MTUS2: variants seen among roughly 807,000 people sequenced by gnomAD.
The protein encoded by MTUS2 is microtubule-associated tumor suppressor candidate 2.
MTUS2 carries 40 observed loss-of-function variants against 114.1 expected under a neutral mutation model. The ratio of observed to expected loss-of-function variants is 0.35; its 90% CI spans 0.27 to 0.46. MTUS2 has a LOEUF of 0.46. Among genes scored for constraint, MTUS2 ranks in the 20% least tolerant of loss-of-function variants. MTUS2 has a pLI of 1.00. For missense variants in MTUS2, 1,679 were observed against 1,705.4 expected (o/e 0.98, Z 0.27); for synonymous variants, 688 against 672.0 (o/e 1.02, Z -0.37).
At chr13:29,001,421 G>C (rs566682999) in intron 2 of MTUS2, among the ~76,000 whole-genome samples, 1 of 152,252 alleles carries the variant, frequency 6.6e-6, no homozygotes, top group Admixed American at 6.5e-5. Flanking sequence ...AGAACTAGAT[G>C]ACAGGTTGCA....
Position 28,995,182 on chromosome 13 carries a change from G to C in MTUS2, c.-242-29275G>C, listed in dbSNP as rs2138354580. On this transcript the variant is annotated intron_variant, in intron 2 of 15. Coordinates refer to ENST00000612955, the MANE Select transcript of MTUS2 (RefSeq NM_001033602.4). ...AATCATTTCCCCATTTCTTGTTTTT[G>C]CCAGGTTTGTCAAAGATCAGATAGT... Among the ~76,000 whole-genome samples, 3 of 152,224 alleles carry C rather than the reference G, an allele frequency of 2.0e-5. No individual in the cohort carries two copies. The East Asian group carries it at 5.8e-4, about 29-fold the overall frequency.
chr13:29,500,961 A>G, intron 14 of MTUS2, 136 bp from the exon 15 acceptor site: 1 of 617,892 alleles, frequency 1.6e-6, no homozygotes, highest in Admixed American at 3.1e-5. Flanking sequence ...TGATTTTAAA[A>G]CCCACTAAAG....
chr13:29,132,652 C>G (rs957723083), intron 5 of MTUS2, among the ~76,000 whole-genome samples: 1 of 152,164 alleles, frequency 6.6e-6, no homozygotes, highest in Non-Finnish European at 1.5e-5. Flanking sequence ...ATAATGTCCT[C>G]AGGGTTCATT....
chr13:28,926,635 A>C (rs924258786), intron 2 of MTUS2, among the ~76,000 whole-genome samples: 1 of 152,134 alleles, frequency 6.6e-6, no homozygotes, highest in Admixed American at 6.5e-5. Context: ...TCTTTTTCAA[A>C]CTTATTTATT....
chr13:28,841,112 AT>A (rs1875450694), intron 2 of MTUS2, among the ~76,000 whole-genome samples: 1 of 152,058 alleles, frequency 6.6e-6, no homozygotes, highest in South Asian at 2.1e-4. Flanking sequence ...TGCTTTCAGA[AT>A]GTCGAGTGTA....
At chr13:29,306,997 A>G in intron 6 of MTUS2, 2 of 543,934 alleles carry the variant, frequency 3.7e-6, no homozygotes, top group South Asian at 1.4e-5. Flanking sequence ...TGGAAATCTC[A>G]TCACCATCTT....
chr13:28,851,229 T>C (rs139067102), intron 2 of MTUS2, among the ~76,000 whole-genome samples: 110 of 152,318 alleles, frequency 7.2e-4, no homozygotes, highest in African/African-American at 2.6e-3. Context: ...CTAAGAGAAA[T>C]AAGAGATCTG....
chr13:29,190,267 C>T (rs1193884472), intron 5 of MTUS2, among the ~76,000 whole-genome samples: 1 of 152,228 alleles, frequency 6.6e-6, no homozygotes, highest in Non-Finnish European at 1.5e-5. Flanking sequence ...ATACCTAACA[C>T]TTGGAATTCC....
At position 29,253,252 on chromosome 13, in the gene MTUS2, C is replaced by G. The variant is rs562480485; in HGVS notation, c.2645-28452C>G. 5.3e-5 allele frequency among the ~76,000 whole-genome samples: 8 copies of G among 151,910 alleles called. No individual in the cohort carries two copies. In the East Asian group the frequency reaches 1.6e-3, roughly 30 times the overall value. On this transcript the variant is annotated intron_variant, in intron 5 of 15. Coordinates refer to ENST00000612955, the MANE Select transcript of MTUS2 (RefSeq NM_001033602.4). ...ACCAGCCTGACCAACATGGTGAAAC[C>G]CTGTCTCTACTAAAAATACAAAAAT... is the stretch of plus-strand genomic sequence containing the variant.
rs1318235899 is a variant in MTUS2 at position 29,389,741 on chromosome 13, A to G, written c.3117+30268A>G. Among the ~76,000 whole-genome samples the G allele has an allele frequency of 1.9e-4, 11 of 58,074 alleles. 1 individual carries two copies. The highest frequency in any genetic ancestry group is 6.0e-4 in the African/African-American group (10 of 16,582). 38.1% of individuals were successfully genotyped at this position (58,074 alleles called of 152,430 possible). A position where few individuals can be genotyped will look rare whatever the true frequency, so the allele number is the denominator to read the frequency against. On this transcript the variant is annotated intron_variant, in intron 8 of 15. Transcript: ENST00000612955. Reference sequence around the variant, plus strand: ...TATACATACATATGTGTGTATATGTATATACATACATATGTGTGTATATGT... The same window carrying G: ...TATACATACATATGTGTGTATATGTGTATACATACATATGTGTGTATATGT...
At chr13:29,218,356 T>C (rs1273742010) in intron 5 of MTUS2, among the ~76,000 whole-genome samples, 1 of 152,228 alleles carries the variant, frequency 6.6e-6, no homozygotes, top group Non-Finnish European at 1.5e-5. Context: ...CAGTGACTTC[T>C]TCCACTGAAG....
chr13:28,964,524 T>C (rs547630818), intron 2 of MTUS2, among the ~76,000 whole-genome samples: 1 of 152,198 alleles, frequency 6.6e-6, no homozygotes, highest in Non-Finnish European at 1.5e-5. Context: ...GCACAGCCAC[T>C]GCACCTAAAC....
chr13:29,049,283 T>A (rs1183712771), intron 4 of MTUS2, among the ~76,000 whole-genome samples: 1 of 152,210 alleles, frequency 6.6e-6, no homozygotes, highest in Non-Finnish European at 1.5e-5. Flanking sequence ...TGTCCCATCA[T>A]AAGGCATTGG....
Position 29,054,869 on chromosome 13 carries a change from C to T in MTUS2, c.2446+20744C>T, listed in dbSNP as rs867146472. Among the ~76,000 whole-genome samples the T allele has an allele frequency of 7.9e-5, 12 of 152,110 alleles. No individual in the cohort carries two copies. In the East Asian group the frequency reaches 1.4e-3, roughly 17 times the overall value. On this transcript the variant is annotated intron_variant, in intron 4 of 15. Coordinates refer to ENST00000612955, the MANE Select transcript of MTUS2 (RefSeq NM_001033602.4). ...TTTAGTAGTATGTTGCTTAATTCCT[C>T]CAAATTTGGGGATTTCTTAGATACT...
intron 5 of MTUS2, among the ~76,000 whole-genome samples, chr13:29,216,931 A>G (rs535716809): frequency 1.6e-4 from 24 of 152,300 alleles, no homozygotes; most frequent in African/African-American, 5.1e-4. Flanking sequence ...TGCATTTTTG[A>G]TAGTGCCCAT....
intron 5 of MTUS2, among the ~76,000 whole-genome samples, chr13:29,256,353 C>T (rs904792650): frequency 7.9e-5 from 12 of 152,244 alleles, no homozygotes; most frequent in South Asian, 6.2e-4. Context: ...ATCAGGGAAG[C>T]GCAGTGGTCA....
intron 5 of MTUS2, among the ~76,000 whole-genome samples, chr13:29,160,556 G>C (rs922263686): frequency 2.6e-5 from 4 of 152,158 alleles, no homozygotes; most frequent in African/African-American, 9.7e-5. Context: ...AGATCATGAG[G>C]TCAGGAGATC....
chr13:29,348,366 C>A (rs9508399), intron 7 of MTUS2, among the ~76,000 whole-genome samples: 3 of 151,492 alleles, frequency 2.0e-5, no homozygotes, highest in Non-Finnish European at 2.9e-5. Flanking sequence ...AAGTGCAAGG[C>A]TTTTAGGAGC....
chr13:29,198,997 A>T (rs961674322), intron 5 of MTUS2, among the ~76,000 whole-genome samples: 1 of 152,200 alleles, frequency 6.6e-6, no homozygotes, highest in African/African-American at 2.4e-5. Flanking sequence ...TAAATATACA[A>T]TCATATCATC....
Sources: gnomAD v4.1 joint callset for allele counts (sites outside exome capture counted in the v4.1 genomes callset) on GRCh38, gnomAD v4.1.1 for gene constraint, MANE v1.5 for transcripts, NCBI Gene and HGNC (gene_info 2026-07-23, HGNC 2026-07-21) for gene names.